Variants in LRP1B observed in about 807,000 individuals in gnomAD.
The protein encoded by LRP1B is low-density lipoprotein receptor-related protein 1B.
Under a neutral mutation model 556.6 loss-of-function variants are expected in LRP1B, and 217 were observed. The observed-to-expected ratio is 0.39, with a 90% CI of 0.35 to 0.44. The LOEUF is 0.44. LRP1B is among the 20% of genes least tolerant of loss of function. LRP1B has a pLI of 1.00. For synonymous variants in LRP1B, 2,047 were observed against 1,865.8 expected (o/e 1.10, Z -2.50); for missense variants, 5,053 against 5,620.8 (o/e 0.90, Z 3.23).
chr2:141,516,680 G>GTCTC (rs202000992), intron 2 of LRP1B, among the ~76,000 whole-genome samples: 9 of 125,712 alleles, frequency 7.2e-5, no homozygotes, highest in Non-Finnish European at 9.9e-5. Context: ...GCAAGACCCT[G>GTCTC]TCTCTCTCTC....
intron 27 of LRP1B, 38 bp downstream of exon 27, chr2:140,867,552 T>C (rs1314559808): frequency 3.1e-5 from 48 of 1,570,008 alleles, no homozygotes; most frequent in Non-Finnish European, 4.0e-5. Context: ...ATGATAATAC[T>C]TTCTGGGTGG....
At chr2:140,952,274 T>C (rs1268348344) in intron 18 of LRP1B, among the ~76,000 whole-genome samples, 1 of 151,684 alleles carries the variant, frequency 6.6e-6, no homozygotes, top group Admixed American at 6.6e-5. Flanking sequence ...ATAACAGCTA[T>C]TGGAGCTGTA....
intron 5 of LRP1B, among the ~76,000 whole-genome samples, chr2:141,246,825 T>C: frequency 6.6e-6 from 1 of 151,900 alleles, no homozygotes; most frequent in Non-Finnish European, 1.5e-5. Context: ...ATTAGCCAGG[T>C]ATGGTGGTGT....
intron 49 of LRP1B, among the ~76,000 whole-genome samples, chr2:140,522,309 A>T (rs1283252881): frequency 6.6e-6 from 1 of 152,012 alleles, no homozygotes. Context: ...GGAAACTAAA[A>T]CTTGCTCCGA....
chr2:140,831,949 C>G (rs1691731864), intron 31 of LRP1B, among the ~76,000 whole-genome samples: 1 of 152,050 alleles, frequency 6.6e-6, no homozygotes, highest in Non-Finnish European at 1.5e-5. Context: ...AGGGTAATGT[C>G]ACACAAAACT....
intron 6 of LRP1B, among the ~76,000 whole-genome samples, chr2:141,199,913 A>G (rs530453782): frequency 1.3e-5 from 2 of 152,268 alleles, no homozygotes; most frequent in East Asian, 1.9e-4. Flanking sequence ...TATTAAAAAG[A>G]CAAAAAATAA....
chr2:141,278,930 A>G (rs2105383431), intron 3 of LRP1B, among the ~76,000 whole-genome samples: 1 of 152,268 alleles, frequency 6.6e-6, no homozygotes, highest in South Asian at 2.1e-4. Flanking sequence ...ACACAGCCTG[A>G]GAGTGGAGCT....
At chr2:140,371,149 CA>C (rs771318262) in intron 70 of LRP1B, 29 bp downstream of exon 70, 1 of 1,352,922 alleles carries the variant, frequency 7.4e-7, no homozygotes, top group Non-Finnish European at 1.0e-6. Context: ...TCATGTAATT[CA>C]AATATTTTAA....
At chr2:140,246,413 G>T (rs1681163270) in intron 87 of LRP1B, among the ~76,000 whole-genome samples, 1 of 150,940 alleles carries the variant, frequency 6.6e-6, no homozygotes, top group Non-Finnish European at 1.5e-5. Context: ...CTTTTATTTT[G>T]AAAAACTTTA....
chr2:140,301,801 A>G (rs1359531437), intron 83 of LRP1B, among the ~76,000 whole-genome samples: 1 of 151,750 alleles, frequency 6.6e-6, no homozygotes, highest in Non-Finnish European at 1.5e-5. Context: ...TGTACTTTAC[A>G]TATATAAAGT....
In LRP1B at chr2:141,821,071, G is replaced by T. The variant is rs139023863; in HGVS notation, c.83-10670C>A. 2.8e-3 allele frequency among the ~76,000 whole-genome samples: 433 copies of T among 152,300 alleles called. 5 individuals are homozygous for T. Among genetic ancestry groups the T allele is most frequent in the African/African-American group, 9.9e-3 (410 of 41,572 alleles). ...GAAAGAAGAAGCTGTAATCTGAGAA[G>T]GGAGCCAAGCATCAAGGAATGTAGG... is the stretch of plus-strand genomic sequence containing the variant. On this transcript the variant is annotated intron_variant, in intron 1 of 90. Coordinates refer to ENST00000389484, the MANE Select transcript of LRP1B (RefSeq NM_018557.3).
At chr2:141,906,825 GT>G (rs1487339283) in intron 1 of LRP1B, among the ~76,000 whole-genome samples, 7 of 151,990 alleles carry the variant, frequency 4.6e-5, no homozygotes, top group African/African-American at 1.7e-4. Context: ...TTGTAATCTT[GT>G]AAAACTAGAT....
At chr2:141,219,830 C>T (rs1443628766) in intron 6 of LRP1B, among the ~76,000 whole-genome samples, 2 of 151,978 alleles carry the variant, frequency 1.3e-5, no homozygotes, top group Non-Finnish European at 2.9e-5. Flanking sequence ...CCCAGTAAGC[C>T]CCAGCAGCCC....
chr2:141,676,135 C>T (rs918368033), intron 2 of LRP1B, among the ~76,000 whole-genome samples: 3 of 151,802 alleles, frequency 2.0e-5, no homozygotes, highest in Non-Finnish European at 2.9e-5. Context: ...TATATCTTTT[C>T]TTCTTTGACA....
chr2:141,416,505 G>C (rs1691110728), intron 3 of LRP1B, among the ~76,000 whole-genome samples: 1 of 141,368 alleles, frequency 7.1e-6, no homozygotes, highest in East Asian at 2.1e-4. Flanking sequence ...CCAGACTGGA[G>C]TGCAGTGATG....
At chr2:141,741,575 T>G (rs1256949077) in intron 2 of LRP1B, among the ~76,000 whole-genome samples, 1 of 152,176 alleles carries the variant, frequency 6.6e-6, no homozygotes, top group Non-Finnish European at 1.5e-5. Flanking sequence ...CATATTCCTG[T>G]TTGCCATTTG....
At chr2:140,311,813 G>T (rs758089635) in intron 83 of LRP1B, among the ~76,000 whole-genome samples, 136 of 151,970 alleles carry the variant, frequency 8.9e-4, no homozygotes, top group Non-Finnish European at 1.8e-3. Flanking sequence ...TCAAAGAAAA[G>T]CAAAGATGGG....
intron 6 of LRP1B, among the ~76,000 whole-genome samples, chr2:141,220,721 G>A (rs191272959): frequency 5.5e-4 from 83 of 150,618 alleles, no homozygotes; most frequent in African/African-American, 2.0e-3. Context: ...ACCTCTCAGT[G>A]GAAACCCTAC....
intron 2 of LRP1B, among the ~76,000 whole-genome samples, chr2:141,741,421 T>G (rs1413327047): frequency 6.6e-6 from 1 of 152,004 alleles, no homozygotes. Flanking sequence ...CTACCAATAG[T>G]GTACAAGCAT....
Sources: allele counts gnomAD v4.1 joint callset (sites outside exome capture counted in the v4.1 genomes callset), GRCh38; gene constraint gnomAD v4.1.1; transcripts MANE v1.5; gene names NCBI Gene and HGNC (gene_info 2026-07-23, HGNC 2026-07-21).